The following SIPA1L3 variants were observed in gnomAD, a reference collection of about 807,000 sequenced individuals.
The protein encoded by SIPA1L3 is signal-induced proliferation-associated 1-like protein 3.
In SIPA1L3, 59 loss-of-function variants were observed where a neutral mutation model predicts 150.1. The observed-to-expected ratio is 0.39, with a 90% CI of 0.32 to 0.49. The LOEUF is 0.49. Among genes scored for constraint, SIPA1L3 ranks in the 20% least tolerant of loss-of-function variants. The probability of loss-of-function intolerance (pLI) is 0.86; values close to 1 mark genes in which losing one functional copy is unlikely to be tolerated. For synonymous variants in SIPA1L3, 1,070 were observed against 1,077.6 expected (o/e 0.99, Z 0.14); for missense variants, 2,211 against 2,489.5 (o/e 0.89, Z 2.38).
Position 38,183,874 on chromosome 19 carries a change from G to A in SIPA1L3, c.4430+1134G>A, listed in dbSNP as rs1291106888. On this transcript the variant is annotated intron_variant, in intron 16 of 21. Coordinates refer to ENST00000222345, the MANE Select transcript of SIPA1L3 (RefSeq NM_015073.3). ...GGCGAGGAGGCTGGGCCCAGGCCAG[G>A]GTGATGAGACTGAGAACCGACTATA... is the stretch of plus-strand genomic sequence containing the variant. 3.9e-5 allele frequency among the ~76,000 whole-genome samples: 6 copies of A among 152,318 alleles called. No homozygotes were observed. In the East Asian group the frequency reaches 1.2e-3, roughly 29 times the overall value.
chr19:37,914,284 A>C (rs915499937), intron 1 of SIPA1L3, among the ~76,000 whole-genome samples: 1 of 152,156 alleles, frequency 6.6e-6, no homozygotes, highest in African/African-American at 2.4e-5. Context: ...GCAAGTGTTA[A>C]GGCCCGGAGG....
At chr19:38,189,138 CTT>C (rs769692248) in intron 16 of SIPA1L3, among the ~76,000 whole-genome samples, 41 of 137,630 alleles carry the variant, frequency 3.0e-4, no homozygotes, top group Admixed American at 4.4e-4. Flanking sequence ...CTCTTCAAGT[CTT>C]TTTTTTTTTT....
intron 1 of SIPA1L3, among the ~76,000 whole-genome samples, chr19:38,016,451 T>G (rs932397594): frequency 3.9e-5 from 6 of 152,164 alleles, no homozygotes; most frequent in Admixed American, 3.9e-4. Flanking sequence ...AACTACCCAT[T>G]TATTCAAACC....
intron 1 of SIPA1L3, among the ~76,000 whole-genome samples, chr19:37,955,741 G>T (rs555039203): frequency 1.3e-5 from 2 of 152,230 alleles, no homozygotes; most frequent in African/African-American, 2.4e-5. Context: ...ATATTCTATT[G>T]TATGGGTAAA....
intron 10 of SIPA1L3, among the ~76,000 whole-genome samples, chr19:38,132,453 G>A (rs1057176535): frequency 6.6e-5 from 10 of 151,008 alleles, no homozygotes; most frequent in East Asian, 2.0e-4. Flanking sequence ...GCGTGGTGGC[G>A]CATGCCTGTA....
At chr19:38,018,150 G>T (rs1968281277) in intron 1 of SIPA1L3, among the ~76,000 whole-genome samples, 1 of 129,550 alleles carries the variant, frequency 7.7e-6, no homozygotes, top group African/African-American at 3.0e-5. Context: ...ATAGCCCTTT[G>T]AGTGTCTTTT....
At chr19:38,135,209 C>G (rs1971407519) in intron 10 of SIPA1L3, among the ~76,000 whole-genome samples, 1 of 152,208 alleles carries the variant, frequency 6.6e-6, no homozygotes, top group Non-Finnish European at 1.5e-5. Context: ...CTGAGTCGTG[C>G]TTGCTCTCTC....
At chr19:38,138,595 G>GTCCCCTCAGCCCAGCATCCTCAGT (rs781646895) in intron 10 of SIPA1L3, among the ~76,000 whole-genome samples, 2 of 150,694 alleles carry the variant, frequency 1.3e-5, no homozygotes, top group African/African-American at 4.9e-5. Context: ...CTCCCACAGG[G>GTCCCCTCAGCCCAGCATCCTCAGT]GGTTTTCGAA....
At chr19:38,085,763 G>C (rs1198740524) in intron 3 of SIPA1L3, among the ~76,000 whole-genome samples, 1 of 152,222 alleles carries the variant, frequency 6.6e-6, no homozygotes, top group African/African-American at 2.4e-5. Context: ...GGAGGCCCGA[G>C]GCGGGCAGAT....
chr19:38,066,064 A>G (rs1969581858), intron 2 of SIPA1L3, among the ~76,000 whole-genome samples: 2 of 149,630 alleles, frequency 1.3e-5, no homozygotes, highest in Non-Finnish European at 3.0e-5. Context: ...CCTGGGCTTG[A>G]TCTCTTGAGG....
chr19:37,918,323 G>A lies in SIPA1L3; in HGVS notation c.-379+10965G>A, dbSNP rs140217115. 5.1e-3 allele frequency among the ~76,000 whole-genome samples: 781 copies of A among 151,784 alleles called. 6 individuals carry two copies. Among genetic ancestry groups the A allele is most frequent in the African/African-American group, 0.018 (756 of 41,452 alleles). ...TCACCAGGCTGGAGTGCAGTGGCGC[G>A]ATCTTGGCTCACTACAACCTCCACC... On this transcript the variant is annotated intron_variant, in intron 1 of 21. Coordinates refer to ENST00000222345, the MANE Select transcript of SIPA1L3 (RefSeq NM_015073.3).
At chr19:37,953,270 T>A (rs1411155098) in intron 1 of SIPA1L3, among the ~76,000 whole-genome samples, 3 of 152,322 alleles carry the variant, frequency 2.0e-5, no homozygotes, top group Non-Finnish European at 1.5e-5. Flanking sequence ...TTCCTGCCCA[T>A]GACCCAGCCT....
chr19:38,070,403 C>T (rs969223048), intron 2 of SIPA1L3, among the ~76,000 whole-genome samples: 2 of 152,158 alleles, frequency 1.3e-5, no homozygotes, highest in African/African-American at 2.4e-5. Flanking sequence ...TGCTGGCCAC[C>T]CTTGGAAATT....
intron 1 of SIPA1L3, among the ~76,000 whole-genome samples, chr19:37,917,346 T>G (rs1352724172): frequency 6.6e-6 from 1 of 152,166 alleles, no homozygotes; most frequent in Non-Finnish European, 1.5e-5. Context: ...TCCTGTTTTA[T>G]CTTGGCGGAG....
At chr19:38,028,913 T>C (rs1050461809) in intron 1 of SIPA1L3, among the ~76,000 whole-genome samples, 176 bp from the exon 2 acceptor site, 1 of 152,124 alleles carries the variant, frequency 6.6e-6, no homozygotes, top group African/African-American at 2.4e-5. Flanking sequence ...AGGCTGGTCT[T>C]GAACTCCTGG....
rs148727959 is a variant in SIPA1L3 at position 38,019,452 on chromosome 19, G to A, written c.-378-9637G>A. Among the ~76,000 whole-genome samples, 39 of 152,338 alleles carry A rather than the reference G, an allele frequency of 2.6e-4. No homozygotes were observed. In the South Asian group the frequency reaches 3.7e-3, roughly 15 times the overall value. ...CATAGTCCAGCTTTGCGTTTCTGCT[G>A]AGGAATTTTCCTCAAAGTCCCACAG... On this transcript the variant is annotated intron_variant, in intron 1 of 21. Coordinates refer to ENST00000222345, the MANE Select transcript of SIPA1L3 (RefSeq NM_015073.3).
chr19:38,143,825 C>T (rs1383741521), intron 12 of SIPA1L3, among the ~76,000 whole-genome samples: 1 of 152,058 alleles, frequency 6.6e-6, no homozygotes, highest in African/African-American at 2.4e-5. Context: ...AAGTGTGAGC[C>T]CGTGCACCTG....
At chr19:38,007,995 C>T (rs1967998682) in intron 1 of SIPA1L3, among the ~76,000 whole-genome samples, 2 of 152,134 alleles carry the variant, frequency 1.3e-5, no homozygotes, top group Admixed American at 6.6e-5. Context: ...TCTGTATCCC[C>T]AGCGTCTAGA....
At chr19:37,997,570 A>G (rs1967669074) in intron 1 of SIPA1L3, among the ~76,000 whole-genome samples, 1 of 139,786 alleles carries the variant, frequency 7.2e-6, no homozygotes, top group African/African-American at 2.7e-5. Flanking sequence ...TGTCTCATTA[A>G]AAAAAAAAAA....
Sources: gnomAD v4.1 joint callset for allele counts (sites outside exome capture counted in the v4.1 genomes callset) on GRCh38, gnomAD v4.1.1 for gene constraint, MANE v1.5 for transcripts, NCBI Gene and HGNC (gene_info 2026-07-23, HGNC 2026-07-21) for gene names.